The following BTBD18 variants were observed in gnomAD, a reference collection of about 807,000 sequenced individuals.
BTBD18 encodes BTB/POZ domain-containing protein 18.
For missense variants in BTBD18, 787 were observed against 846.3 expected (o/e 0.93, Z 0.87); for synonymous variants, 311 against 324.4 (o/e 0.96, Z 0.44).
At chr11:57,746,192 T>C in intron 2 of BTBD18, 44 bp from the exon 3 acceptor site, 3 of 1,444,672 alleles carry the variant, frequency 2.1e-6, no homozygotes, top group Non-Finnish European at 2.8e-6. Context: ...TAGACTGGCA[T>C]GTTCATGGGC....
chr11:57,746,805 CAAA>C (rs35274578), intron 2 of BTBD18, among the ~76,000 whole-genome samples: 9 of 95,510 alleles, frequency 9.4e-5, no homozygotes, highest in Non-Finnish European at 1.2e-4. Context: ...ACCTTGTCTC[CAAA>C]AAAAAAAAAA....
Position 57,744,628 on chromosome 11 carries a change from G to A in BTBD18, c.1645C>T (p.Leu549Phe). 1 of 1,551,646 alleles carries A rather than the reference G, an allele frequency of 6.4e-7. No individual in the cohort carries two copies. The highest frequency in any genetic ancestry group is 8.7e-7 in the Non-Finnish European group (1 of 1,146,992). ...AATTCTGTGAGCTCCCTGGGCCAGAGTTCCATGTCTGGTAGACACCATTCT... is the reference window on the plus strand; with the variant it reads ...AATTCTGTGAGCTCCCTGGGCCAGAATTCCATGTCTGGTAGACACCATTCT... The part of the protein sequence containing the change: ...GEEWCLPDME[L>F]WPRELTELEK... The change falls in exon 3 of 3, where the codon CTC becomes TTC. Residue 549 changes from leucine to phenylalanine, a missense_variant. By Grantham distance (22) the Leu-to-Phe change is conservative. Transcript: ENST00000422652.
chr11:57,747,688 A>G (rs1949223435), intron 2 of BTBD18, among the ~76,000 whole-genome samples: 1 of 151,992 alleles, frequency 6.6e-6, no homozygotes, highest in African/African-American at 2.4e-5. Context: ...TAGTAGAGAC[A>G]GGGTTTCACC....
intron 2 of BTBD18, 40 bp from the exon 3 acceptor site, chr11:57,746,188 G>A (rs1480294114): frequency 6.8e-7 from 1 of 1,466,062 alleles, no homozygotes; most frequent in Non-Finnish European, 9.1e-7. Flanking sequence ...CAGGTAGACT[G>A]GCATGTTCAT....
chr11:57,743,927 T>C lies in BTBD18; in HGVS notation c.*207A>G. ...ACCGGAAAATAGATTACAAATAAGA[T>C]GGTACAAGTTCATAATTTTCTATCT... On this transcript the variant is annotated 3_prime_UTR_variant, in exon 3 of 3. Coordinates refer to ENST00000422652, the MANE Select transcript of BTBD18 (RefSeq NM_001145101.3). The C allele has an allele frequency of 5.9e-6, 3 of 507,266 alleles. No individual in the cohort carries two copies. The highest frequency in any genetic ancestry group is 3.5e-5 in the Admixed American group (1 of 28,764). The allele number at this position is 507,266 out of a possible 1,614,324, so 31.4% of individuals were successfully genotyped here.
chr11:57,743,780 C>CA lies in BTBD18; in HGVS notation c.*353_*354insT. On this transcript the variant is annotated 3_prime_UTR_variant, in exon 3 of 3. Transcript: ENST00000422652. ...ATACCCCACCACAGAGGAGGGTGTTCTTTCTCAGCTTTTCCTAAATTACCA... is the reference window on the plus strand; with the variant it reads ...ATACCCCACCACAGAGGAGGGTGTTCATTTCTCAGCTTTTCCTAAATTACCA... The CA allele has an allele frequency of 5.1e-6, 1 of 195,822 alleles. No individual in the cohort carries two copies. Among genetic ancestry groups the CA allele is most frequent in the East Asian group, 1.3e-4 (1 of 7,792 alleles). The allele number at this position is 195,822 out of a possible 1,614,324, so 12.1% of individuals were successfully genotyped here.
At chr11:57,747,025 G>A (rs537774785) in intron 2 of BTBD18, among the ~76,000 whole-genome samples, 3 of 152,246 alleles carry the variant, frequency 2.0e-5, no homozygotes, top group Admixed American at 2.0e-4. Context: ...CATCATTCTT[G>A]CTGAATTTAA....
At position 57,744,949 on chromosome 11, in the gene BTBD18, C is replaced by T. The variant is rs1197613698; in HGVS notation, c.1324G>A (p.Val442Met). Residue 442 changes from valine (V) to methionine (M), a missense_variant, in exon 3 of 3, where the codon GTG (valine) becomes ATG (methionine). Physicochemically the swap from Val to Met is conservative, Grantham distance 21 (BLOSUM62 1). Transcript: ENST00000422652. ...GGACTGGACTCAAACTCTGACTTCA[C>T]CACTGGGTGGTCTGGGGAGTGGCTA... ...SASHSPDHPV[V>M]KSEFESSPEL... 4 of 1,551,590 alleles carry T rather than the reference C, an allele frequency of 2.6e-6. No individual in the cohort carries two copies. The highest frequency in any genetic ancestry group is 2.4e-5 in the East Asian group (1 of 40,932).
chr11:57,752,188 G>A (rs891112104), upstream of BTBD18, among the ~76,000 whole-genome samples: 8 of 152,124 alleles, frequency 5.3e-5, no homozygotes, highest in African/African-American at 1.7e-4. Flanking sequence ...CTGAGGGTCC[G>A]AACAGTTCAC....
chr11:57,751,257 T>C (rs987496329), intron 1 of BTBD18, 21 bp from the exon 2 acceptor site: 1 of 1,252,434 alleles, frequency 8.0e-7, no homozygotes, highest in Non-Finnish European at 1.0e-6. Context: ...GATAATACAT[T>C]TCAGAGGCAT....
Position 57,743,903 on chromosome 11 carries a change from C to T in BTBD18, c.*231G>A, listed in dbSNP as rs1203972723. ...CACAGTTTGTTTCAGTTGTCACTAA[C>T]CGGAAAATAGATTACAAATAAGATG... is the stretch of plus-strand genomic sequence containing the variant. On this transcript the variant is annotated 3_prime_UTR_variant, in exon 3 of 3. Transcript: ENST00000422652. 6.7e-6 allele frequency: 3 copies of T among 445,586 alleles called. No homozygotes were observed. The highest frequency in any genetic ancestry group is 5.9e-5 in the African/African-American group (3 of 50,928). The allele number at this position is 445,586 out of a possible 1,614,324, so 27.6% of individuals were successfully genotyped here.
At position 57,744,119 on chromosome 11, in the gene BTBD18, G is replaced by T; in HGVS notation, c.*15C>A. 8 of 1,434,870 alleles carry T rather than the reference G, an allele frequency of 5.6e-6. No homozygotes were observed. The highest frequency in any genetic ancestry group is 1.4e-5 in the African/African-American group (1 of 70,910). 88.9% of individuals were successfully genotyped at this position (1,434,870 alleles called of 1,614,324 possible). A position where few individuals can be genotyped will look rare whatever the true frequency, so the allele number is the denominator to read the frequency against. ...CCCACCCTCCCAAGGCCCCTAACCT[G>T]CCCTCCCCTCTCCACTATGTTAGTA... is the stretch of plus-strand genomic sequence containing the variant. On this transcript the variant is annotated 3_prime_UTR_variant, in exon 3 of 3. Transcript: ENST00000422652.
chr11:57,745,334 T>G lies in BTBD18; in HGVS notation c.939A>C (p.Lys313Asn), dbSNP rs1378778467. 1 of 1,551,660 alleles carries G rather than the reference T, an allele frequency of 6.4e-7. No individual in the cohort carries two copies. The highest frequency in any genetic ancestry group is 2.4e-5 in the East Asian group (1 of 40,908). ...TCTGCAGAGGACTAGCTCTGCCTGG[T>G]TTTGGCTTGTCCTCTGGTGTTTCTT... is the stretch of plus-strand genomic sequence containing the variant. ...VNKETPEDKPKPGRASPLQST... is the reference protein window; with the variant it reads ...VNKETPEDKPNPGRASPLQST... Residue 313 changes from lysine to asparagine, a missense_variant, in exon 3 of 3, where the codon AAA becomes AAC. By Grantham distance (94) the Lys-to-Asn change is moderately conservative. Transcript: ENST00000422652.
rs1949151638 is a variant in BTBD18, at chr11:57,744,503, A to G, written c.1770T>C (p.Arg590=). The G allele has an allele frequency of 1.9e-6, 3 of 1,551,498 alleles. No homozygotes were observed. The highest frequency in any genetic ancestry group is 2.6e-6 in the Non-Finnish European group (3 of 1,146,962). The change falls in exon 3 of 3, where the codon CGT becomes CGC. Residue 590 remains arginine, a synonymous_variant. Transcript: ENST00000422652. ...EVSEVLSVGG[R]WTPDLEITSS... ...TGGTAATTTCAAGGTCTGGTGTCCA[A>G]CGGCCTCCTACTGAAAGCACTTCAC...
At chr11:57,747,832 C>G (rs530666822) in intron 2 of BTBD18, among the ~76,000 whole-genome samples, 2 of 152,068 alleles carry the variant, frequency 1.3e-5, no homozygotes, top group Non-Finnish European at 2.9e-5. Context: ...CAGGGTCTTG[C>G]TCTGCCAACC....
rs1023468719 is a variant in BTBD18 at position 57,743,825 on chromosome 11, C to A, written c.*309G>T. ...TTACCAGTGACTGGATGCCTTATGA[C>A]CTGAGAGATCTGGCCTTGGCTGTTA... On this transcript the variant is annotated 3_prime_UTR_variant, in exon 3 of 3. Coordinates refer to ENST00000422652, the MANE Select transcript of BTBD18 (RefSeq NM_001145101.3). The A allele has an allele frequency of 8.3e-6, 2 of 240,430 alleles. No individual in the cohort carries two copies. The highest frequency in any genetic ancestry group is 2.2e-5 in the African/African-American group (1 of 44,514). 14.9% of individuals were successfully genotyped at this position (240,430 alleles called of 1,614,324 possible).
chr11:57,744,966 G>C lies in BTBD18; in HGVS notation c.1307C>G (p.Ser436Cys). ...TGACTTCACCACTGGGTGGTCTGGGGAGTGGCTAGCAGAGACCAGAATGTC... is the reference window on the plus strand; with the variant it reads ...TGACTTCACCACTGGGTGGTCTGGGCAGTGGCTAGCAGAGACCAGAATGTC... ...LQDILVSASH[S>C]PDHPVVKSEF... The change falls in exon 3 of 3, where the codon TCC (serine) becomes TGC (cysteine). Residue 436 changes from serine (S) to cysteine (C), a missense_variant. By Grantham distance (112) the Ser-to-Cys change is moderately radical. Coordinates refer to ENST00000422652, the MANE Select transcript of BTBD18 (RefSeq NM_001145101.3). The C allele has an allele frequency of 6.4e-7, 1 of 1,551,668 alleles. No homozygotes were observed.
rs1269498982 is a variant in BTBD18, at chr11:57,744,020, A to AG, written c.*113dup. ...GGGAGGAAGGGACCTACAAAGAGCC[A>AG]GGGTACACCTGCCTCTTGTGCTGAG... On this transcript the variant is annotated 3_prime_UTR_variant, in exon 3 of 3. Coordinates refer to ENST00000422652, the MANE Select transcript of BTBD18 (RefSeq NM_001145101.3). 1.4e-6 allele frequency: 1 copy of AG among 735,960 alleles called. No homozygotes were observed. Among genetic ancestry groups the AG allele is most frequent in the Admixed American group, 2.9e-5 (1 of 34,042 alleles). 45.6% of individuals were successfully genotyped at this position (735,960 alleles called of 1,614,324 possible).
Position 57,746,101 on chromosome 11 carries a change from A to G in BTBD18, c.172T>C (p.Phe58Leu). 5 of 1,551,304 alleles carry G rather than the reference A, an allele frequency of 3.2e-6. No individual in the cohort carries two copies. The highest frequency in any genetic ancestry group is 4.4e-6 in the Non-Finnish European group (5 of 1,146,830). Reference protein sequence around the residue: ...HCCILSACSPFFTERLERERP... With the variant: ...HCCILSACSPLFTERLERERP... ...TCCCGCTCCAGGCGCTCTGTGAAGA[A>G]GGGGCTACAAGCTGACAGGATGCAG... The change falls in exon 3 of 3, where the codon TTC becomes CTC. Residue 58 changes from phenylalanine to leucine, a missense_variant. Coordinates refer to ENST00000422652, the MANE Select transcript of BTBD18 (RefSeq NM_001145101.3).
Sources: allele counts gnomAD v4.1 joint callset (sites outside exome capture counted in the v4.1 genomes callset), GRCh38; gene constraint gnomAD v4.1.1; transcripts MANE v1.5; gene names NCBI Gene and HGNC (gene_info 2026-07-23, HGNC 2026-07-21).